Variants in VWF observed in about 807,000 individuals in gnomAD.
VWF encodes the protein Factor VIII related antigen.
VWF carries 176 observed loss-of-function variants against 308.6 expected under a neutral mutation model. The observed-to-expected ratio is 0.57, with a 90% confidence interval of 0.50 to 0.65. The LOEUF (loss-of-function observed/expected upper bound fraction) is 0.65. Among genes scored for constraint, VWF ranks in the 30% least tolerant of loss-of-function variants. The pLI is 0.00. For synonymous variants in VWF, 1,385 were observed against 1,443.4 expected (o/e 0.96, Z 0.92); for missense variants, 3,146 against 3,648.2 (o/e 0.86, Z 3.55).
intron 34 of VWF, among the ~76,000 whole-genome samples, chr12:6,003,097 A>G (rs1460049390): frequency 1.3e-5 from 2 of 152,234 alleles, no homozygotes; most frequent in East Asian, 1.9e-4. Context: ...CTAAAAGAAG[A>G]TGTAGACAAA....
At chr12:5,982,017 A>T (rs757256185) in intron 41 of VWF, 26 bp from the exon 42 acceptor site, 115 of 1,609,668 alleles carry the variant, frequency 7.1e-5, no homozygotes, top group Non-Finnish European at 8.1e-5. Context: ...GGCCACACTG[A>T]GCACTGCGCC....
rs561002190 is a variant in VWF, at chr12:6,031,704, G to A, written c.2686-126C>T. Reference sequence around the variant, plus strand: ...ACAGGATCTTGCCACGTCCATGGCTGCGCATATGTGCCTCTGTGTGTGTCT... The same window carrying A: ...ACAGGATCTTGCCACGTCCATGGCTACGCATATGTGCCTCTGTGTGTGTCT... On this transcript the variant is annotated intron_variant, in intron 20 of 51. Coordinates refer to ENST00000261405, the MANE Select transcript of VWF (RefSeq NM_000552.5). 24 of 1,435,708 alleles carry A rather than the reference G, an allele frequency of 1.7e-5. No homozygotes were observed. In the South Asian group the frequency reaches 1.8e-4, roughly 11 times the overall value. 88.9% of individuals were successfully genotyped at this position (1,435,708 alleles called of 1,614,324 possible). A position where few individuals can be genotyped will look rare whatever the true frequency, so the allele number is the denominator to read the frequency against.
rs536591884 is a variant in VWF at position 5,977,678 on chromosome 12, T to C, written c.7288-1418A>G. Among the ~76,000 whole-genome samples, 6 of 152,048 alleles carry C rather than the reference T, an allele frequency of 3.9e-5. No individual in the cohort carries two copies. In the South Asian group the frequency reaches 1.2e-3, roughly 32 times the overall value. ...TGAGTTCAGAAGCTCCAGACCGGCATGGGTAACATGATGAAACCTTGTCTC... is the reference window on the plus strand; with the variant it reads ...TGAGTTCAGAAGCTCCAGACCGGCACGGGTAACATGATGAAACCTTGTCTC... On this transcript the variant is annotated intron_variant, in intron 42 of 51. Coordinates refer to ENST00000261405, the MANE Select transcript of VWF (RefSeq NM_000552.5).
rs1009671522 is a variant in VWF, at chr12:6,073,843, C to T, written c.875-102G>A. ...GAGCCTCTCGTGCCCACTCTGACTGCTCCCCTCTGTCTTCAGGCTTCCAGG... is the reference window on the plus strand; with the variant it reads ...GAGCCTCTCGTGCCCACTCTGACTGTTCCCCTCTGTCTTCAGGCTTCCAGG... On this transcript the variant is annotated intron_variant, in intron 7 of 51. Coordinates refer to ENST00000261405, the MANE Select transcript of VWF (RefSeq NM_000552.5). 8 of 1,555,554 alleles carry T rather than the reference C, an allele frequency of 5.1e-6. No homozygotes were observed. The African/African-American group carries it at 1.1e-4, about 21-fold the overall frequency.
chr12:5,983,694 G>A (rs1012785552), intron 40 of VWF, among the ~76,000 whole-genome samples: 1 of 151,958 alleles, frequency 6.6e-6, no homozygotes, highest in African/African-American at 2.4e-5. Flanking sequence ...ACATAGGTTA[G>A]ATAGAGATAG....
At chr12:6,116,372 C>T (rs900824969) in intron 3 of VWF, among the ~76,000 whole-genome samples, 3 of 152,216 alleles carry the variant, frequency 2.0e-5, no homozygotes, top group Non-Finnish European at 4.4e-5. Context: ...CTGGAACTAC[C>T]GTCAGACCTG....
At chr12:6,112,989 A>C (rs971748751) in intron 3 of VWF, among the ~76,000 whole-genome samples, 54 of 152,186 alleles carry the variant, frequency 3.5e-4, no homozygotes, top group Admixed American at 3.5e-3. Context: ...GTAAATAATA[A>C]GTCTATTCTA....
intron 10 of VWF, among the ~76,000 whole-genome samples, 198 bp from the exon 11 acceptor site, chr12:6,065,471 C>T (rs1379656337): frequency 4.6e-5 from 7 of 152,222 alleles, no homozygotes; most frequent in African/African-American, 1.7e-4. Flanking sequence ...AGAGCTGGGT[C>T]ATTCAGGTCA....
chr12:6,123,182 T>G lies in VWF; in HGVS notation c.15A>C (p.Arg5Ser). 1 of 1,614,142 alleles carries G rather than the reference T, an allele frequency of 6.2e-7. No homozygotes were observed. Among genetic ancestry groups the G allele is most frequent in the Non-Finnish European group, 8.5e-7 (1 of 1,180,030 alleles). ...CCAGAGCAAGCAGCACCCCGGCAAATCTGGCAGGAATCATCTGCAAAGAAG... is the reference window on the plus strand; with the variant it reads ...CCAGAGCAAGCAGCACCCCGGCAAAGCTGGCAGGAATCATCTGCAAAGAAG... Reference protein sequence around the residue: MIPARFAGVLLALAL... With the variant: MIPASFAGVLLALAL... Residue 5 changes from arginine (R) to serine (S), a missense_variant, in exon 2 of 52, where the codon AGA (arginine) becomes AGC (serine). Transcript: ENST00000261405.
intron 6 of VWF, among the ~76,000 whole-genome samples, chr12:6,082,511 T>C (rs989501100): frequency 2.0e-5 from 3 of 152,206 alleles, no homozygotes; most frequent in African/African-American, 7.2e-5. Context: ...CTTACATATT[T>C]TAAGTTAGGC....
chr12:6,094,981 C>G (rs901387479), intron 6 of VWF, among the ~76,000 whole-genome samples: 1 of 149,316 alleles, frequency 6.7e-6, no homozygotes, highest in African/African-American at 2.5e-5. Flanking sequence ...CTGCCTCAGT[C>G]TCCCGAGTAG....
chr12:5,983,254 A>G lies in VWF; in HGVS notation c.6977T>C (p.Val2326Ala), dbSNP rs997267903. The G allele has an allele frequency of 6.2e-7, 1 of 1,613,764 alleles. No homozygotes were observed. The highest frequency in any genetic ancestry group is 8.5e-7 in the Non-Finnish European group (1 of 1,179,922). ...CAGGTCACAGCTCACTGGGTCACACACTGAGGGCCAGAAAGAGAGACGTCC... is the reference window on the plus strand; with the variant it reads ...CAGGTCACAGCTCACTGGGTCACACGCTGAGGGCCAGAAAGAGAGACGTCC... ...ADQCCPEYECVCDPVSCDLPP... is the reference protein window; with the variant it reads ...ADQCCPEYECACDPVSCDLPP... The change falls in exon 41 of 52, where the codon GTG (valine) becomes GCG (alanine). Residue 2326 changes from valine (V) to alanine (A), a missense_variant and splice_region_variant. Val to Ala is a moderately conservative substitution (Grantham distance 64). Coordinates refer to ENST00000261405, the MANE Select transcript of VWF (RefSeq NM_000552.5).
chr12:5,975,781 AC>A (rs1301497837), intron 43 of VWF, among the ~76,000 whole-genome samples: 1 of 130,638 alleles, frequency 7.7e-6, no homozygotes, highest in Non-Finnish European at 1.8e-5. Context: ...CATACAACAG[AC>A]GTGACCATTA....
Position 6,034,724 on chromosome 12 carries a change from G to C in VWF, c.2649C>G (p.Tyr883Ter), listed in dbSNP as rs1171471119. The C allele has an allele frequency of 6.2e-7, 1 of 1,614,176 alleles. No homozygotes were observed. The highest frequency in any genetic ancestry group is 8.5e-7 in the Non-Finnish European group (1 of 1,180,034). The change falls in exon 20 of 52, where the codon TAC becomes TAG. Residue 883 changes from tyrosine to a stop codon, truncating the protein, a stop_gained. Coordinates refer to ENST00000261405, the MANE Select transcript of VWF (RefSeq NM_000552.5). LOFTEE classifies it high-confidence loss of function. ...AHYLTFDGLK[Y>*]LFPGECQYVL... is the part of the protein sequence containing the mutation. ...CGTACTGGCACTCCCCGGGGAACAG[G>C]TATTTGAGCCCGTCGAAGGTGAGGT...
chr12:6,077,745 C>A (rs1276015088), intron 6 of VWF, among the ~76,000 whole-genome samples: 1 of 152,176 alleles, frequency 6.6e-6, no homozygotes, highest in African/African-American at 2.4e-5. Flanking sequence ...CAGGTGGTTA[C>A]ATGCAGCCTT....
intron 34 of VWF, among the ~76,000 whole-genome samples, chr12:5,998,691 A>C (rs1943839346): frequency 6.6e-6 from 1 of 151,568 alleles, no homozygotes; most frequent in African/African-American, 2.4e-5. Context: ...ATAAGTAGAA[A>C]ACAAGAAAAT....
intron 42 of VWF, among the ~76,000 whole-genome samples, chr12:5,980,166 G>C: frequency 2.4e-5 from 1 of 41,422 alleles, no homozygotes; most frequent in Non-Finnish European, 6.0e-5. Flanking sequence ...AGTGAGGGAG[G>C]GAGGGAGGGA....
At chr12:5,951,191 T>C (rs190973291) in intron 50 of VWF, among the ~76,000 whole-genome samples, 24 of 152,276 alleles carry the variant, frequency 1.6e-4, no homozygotes, top group African/African-American at 4.6e-4. Context: ...CAAGCATGTA[T>C]GGGAAGAACA....
At chr12:5,952,937 A>G (rs535895374) in intron 48 of VWF, among the ~76,000 whole-genome samples, 1 of 152,218 alleles carries the variant, frequency 6.6e-6, no homozygotes, top group East Asian at 1.9e-4. Flanking sequence ...TTAAAGATCA[A>G]CCACCTCCAG....
Sources: allele counts gnomAD v4.1 joint callset (sites outside exome capture counted in the v4.1 genomes callset), GRCh38; gene constraint gnomAD v4.1.1; transcripts MANE v1.5; gene names NCBI Gene and HGNC (gene_info 2026-07-23, HGNC 2026-07-21).